Variants in LRCH1 observed in about 807,000 individuals in gnomAD.
The protein encoded by LRCH1 is leucine rich repeats and calponin homology domain containing 1.
Under a neutral mutation model 94.9 loss-of-function variants are expected in LRCH1, and 23 were observed. That is an observed-to-expected ratio of 0.24 (90% CI 0.17 to 0.34). LRCH1 has a LOEUF of 0.34. Ranked by LOEUF, LRCH1 falls within the 10% of genes least tolerant of loss-of-function variation. LRCH1 has a pLI of 1.00. For synonymous variants in LRCH1, 364 were observed against 354.9 expected (o/e 1.03, Z -0.29); for missense variants, 790 against 945.9 (o/e 0.84, Z 2.16).
chr13:46,580,403 A>G (rs1036326325), intron 1 of LRCH1, among the ~76,000 whole-genome samples: 2 of 152,226 alleles, frequency 1.3e-5, no homozygotes, highest in Non-Finnish European at 2.9e-5. Flanking sequence ...GGTAATTTGC[A>G]GTATGCATCC....
chr13:46,590,082 C>A (rs996143273), intron 1 of LRCH1, among the ~76,000 whole-genome samples: 3 of 151,938 alleles, frequency 2.0e-5, no homozygotes, highest in Non-Finnish European at 4.4e-5. Context: ...TTCAGTTAAT[C>A]TTTTTTGGGA....
chr13:46,746,854 G>A (rs932631133), downstream of LRCH1, among the ~76,000 whole-genome samples: 6 of 152,164 alleles, frequency 3.9e-5, no homozygotes, highest in Non-Finnish European at 7.3e-5. Context: ...TGGTGTGATG[G>A]CAAATGGCCC....
intron 1 of LRCH1, among the ~76,000 whole-genome samples, chr13:46,594,443 G>A (rs1042004089): frequency 6.6e-6 from 1 of 152,030 alleles, no homozygotes; most frequent in Admixed American, 6.6e-5. Flanking sequence ...TCAATGAAGC[G>A]ATCTTTGCAA....
At position 46,644,845 on chromosome 13, in the gene LRCH1, A is replaced by T. The variant is rs533560099; in HGVS notation, c.308-5356A>T. On this transcript the variant is annotated intron_variant, in intron 1 of 19. Transcript: ENST00000389797. ...TTTCAGAAAGGAATCCTAAAAAAGT[A>T]CATATAGAATAGCATAATTAAAAAT... Among the ~76,000 whole-genome samples, 8 of 152,372 alleles carry T rather than the reference A, an allele frequency of 5.3e-5. No individual in the cohort carries two copies. In the East Asian group the frequency reaches 1.5e-3, roughly 29 times the overall value.
At position 46,692,516 on chromosome 13, in the gene LRCH1, A is replaced by G; in HGVS notation, c.1015-20A>G. 3.2e-6 allele frequency: 5 copies of G among 1,543,904 alleles called. No individual in the cohort carries two copies. Among genetic ancestry groups the G allele is most frequent in the Non-Finnish European group, 4.5e-6 (5 of 1,116,196 alleles). ...TGATAACACTTCTCTTGAGTTAAAC[A>G]GTGCACTGTATCTTTTTAGCCTTCT... is the stretch of plus-strand genomic sequence containing the variant. On this transcript the variant is annotated intron_variant, in intron 7 of 19. Transcript: ENST00000389797.
intron 15 of LRCH1, among the ~76,000 whole-genome samples, chr13:46,713,107 C>G (rs74080071): frequency 0.052 from 7,907 of 152,166 alleles, 682 homozygotes; most frequent in African/African-American, 0.18. Context: ...AAGCATTCTG[C>G]TTATATTACC....
intron 1 of LRCH1, among the ~76,000 whole-genome samples, chr13:46,646,866 A>C (rs1370219894): frequency 1.3e-5 from 2 of 152,004 alleles, no homozygotes; most frequent in Non-Finnish European, 2.9e-5. Context: ...TAATCCCAGC[A>C]CTTTGGGAGG....
At chr13:46,732,723 C>T (rs1208046859) in intron 18 of LRCH1, among the ~76,000 whole-genome samples, 1 of 152,174 alleles carries the variant, frequency 6.6e-6, no homozygotes, top group East Asian at 1.9e-4. Flanking sequence ...CTTGGTACCT[C>T]ATCTGCCAGG....
At chr13:46,625,450 C>T (rs2050934397) in intron 1 of LRCH1, among the ~76,000 whole-genome samples, 1 of 152,076 alleles carries the variant, frequency 6.6e-6, no homozygotes, top group African/African-American at 2.4e-5. Context: ...AATGGGATGT[C>T]TTTATAAAAG....
chr13:46,712,629 A>G (rs1872129224), intron 15 of LRCH1, 32 bp downstream of exon 15: 1 of 1,565,764 alleles, frequency 6.4e-7, no homozygotes, highest in African/African-American at 1.4e-5. Flanking sequence ...TTCTTACACT[A>G]AATAACTCAT....
At chr13:46,662,913 G>T (rs1157958967) in intron 2 of LRCH1, among the ~76,000 whole-genome samples, 3 of 152,048 alleles carry the variant, frequency 2.0e-5, no homozygotes, top group South Asian at 2.1e-4. Context: ...TGCTCTTCTC[G>T]CAGTTCTCTT....
chr13:46,748,922 GA>G (rs1442166629), downstream of LRCH1, among the ~76,000 whole-genome samples: 1 of 152,216 alleles, frequency 6.6e-6, no homozygotes, highest in Non-Finnish European at 1.5e-5. Context: ...GATGGTGAGA[GA>G]GTAAGACCCA....
At chr13:46,732,425 T>C (rs948579330) in intron 18 of LRCH1, among the ~76,000 whole-genome samples, 12 of 152,240 alleles carry the variant, frequency 7.9e-5, no homozygotes, top group Non-Finnish European at 1.3e-4. Context: ...TTGTCACAAG[T>C]ACTTTTCTAC....
chr13:46,557,154 A>G (rs1329134106), intron 1 of LRCH1, among the ~76,000 whole-genome samples: 1 of 138,934 alleles, frequency 7.2e-6, no homozygotes, highest in Non-Finnish European at 1.6e-5. Flanking sequence ...AAATTTGCAT[A>G]TGAGTAAAGC....
chr13:46,727,828 A>G (rs774079747), intron 17 of LRCH1, among the ~76,000 whole-genome samples: 38 of 152,214 alleles, frequency 2.5e-4, no homozygotes, highest in African/African-American at 8.7e-4. Flanking sequence ...AATTATCTCA[A>G]AAATCAAAAG....
At chr13:46,666,966 G>GTGC (rs1397276422) in intron 2 of LRCH1, among the ~76,000 whole-genome samples, 1 of 152,166 alleles carries the variant, frequency 6.6e-6, no homozygotes, top group African/African-American at 2.4e-5. Context: ...CCAGGAGAGA[G>GTGC]TGCCAGTGCG....
In LRCH1 at chr13:46,744,149, C is replaced by G; in HGVS notation, c.*2301C>G. The G allele has an allele frequency of 1.0e-6, 1 of 985,372 alleles. No homozygotes were observed. Among genetic ancestry groups the G allele is most frequent in the Non-Finnish European group, 1.2e-6 (1 of 829,928 alleles). The allele number at this position is 985,372 out of a possible 1,614,324, so 61.0% of individuals were successfully genotyped here. A position where few individuals can be genotyped will look rare whatever the true frequency, so the allele number is the denominator to read the frequency against. ...TCTCCAAGGTACCCGTGCACCAGCC[C>G]ATATGCTAACTGGATGCCTGCGGAT... On this transcript the variant is annotated 3_prime_UTR_variant, in exon 20 of 20. Coordinates refer to ENST00000389797, the MANE Select transcript of LRCH1 (RefSeq NM_001164211.2).
intron 17 of LRCH1, among the ~76,000 whole-genome samples, chr13:46,725,003 A>G (rs1453786647): frequency 1.3e-5 from 2 of 152,242 alleles, no homozygotes. Flanking sequence ...GTACATAAAC[A>G]CCATGGAATA....
intron 2 of LRCH1, among the ~76,000 whole-genome samples, chr13:46,657,692 A>ATTTTTTTTTTAT (rs2051393735): frequency 2.1e-5 from 1 of 46,920 alleles, no homozygotes; most frequent in African/African-American, 7.8e-5. Flanking sequence ...TGCCCAGCTA[A>ATTTTTTTTTTAT]TTTTTTTTTT....
Sources: gnomAD v4.1 joint callset for allele counts (sites outside exome capture counted in the v4.1 genomes callset) on GRCh38, gnomAD v4.1.1 for gene constraint, MANE v1.5 for transcripts, NCBI Gene and HGNC (gene_info 2026-07-23, HGNC 2026-07-21) for gene names.